The following NRG1 variants were observed in gnomAD, a reference collection of about 807,000 sequenced individuals.
The protein encoded by NRG1 is neuregulin 1, also known as pro-neuregulin-1, membrane-bound isoform.
In NRG1, 18 loss-of-function variants were observed where a neutral mutation model predicts 63.8. That is an observed-to-expected ratio of 0.28 (90% confidence interval 0.19 to 0.42). The LOEUF (loss-of-function observed/expected upper bound fraction) is 0.42. Among genes scored for constraint, NRG1 ranks in the 10% least tolerant of loss-of-function variants. The pLI, the probability that NRG1 is intolerant of heterozygous loss-of-function variation, is 1.00. For synonymous variants in NRG1, 302 were observed against 301.3 expected (o/e 1.00, Z -0.02); for missense variants, 762 against 814.7 (o/e 0.94, Z 0.79).
intron 5 of NRG1, among the ~76,000 whole-genome samples, chr8:32,679,023 G>A (rs1807925071): frequency 6.6e-6 from 1 of 151,992 alleles, no homozygotes; most frequent in African/African-American, 2.4e-5. Flanking sequence ...ACTGGGTGCT[G>A]TGCACTTGTA....
chr8:32,548,875 C>G (rs1252191866), intron 1 of NRG1, 49 bp downstream of exon 1: 2 of 1,512,216 alleles, frequency 1.3e-6, no homozygotes, highest in Non-Finnish European at 1.8e-6. Flanking sequence ...CCTGCTCCTC[C>G]TACTCCTCCT....
chr8:31,820,750 T>C (rs1282138130), intron 1 of NRG1, among the ~76,000 whole-genome samples: 1 of 152,242 alleles, frequency 6.6e-6, no homozygotes, highest in Non-Finnish European at 1.5e-5. Context: ...AATAATTACA[T>C]GTAGGATATG....
intron 1 of NRG1, among the ~76,000 whole-genome samples, chr8:32,325,771 A>T (rs2129477169): frequency 6.6e-6 from 1 of 152,354 alleles, no homozygotes; most frequent in African/African-American, 2.4e-5. Context: ...AGGTTGAATT[A>T]GGTGATATCA....
chr8:32,417,743 G>T (rs745564862), intron 1 of NRG1, among the ~76,000 whole-genome samples: 10 of 150,172 alleles, frequency 6.7e-5, no homozygotes, highest in Admixed American at 1.3e-4. Flanking sequence ...GGGAGGGGGG[G>T]TGTGTTATAG....
intron 1 of NRG1, among the ~76,000 whole-genome samples, chr8:32,283,706 G>A (rs946249320): frequency 2.6e-5 from 4 of 152,128 alleles, no homozygotes; most frequent in African/African-American, 9.7e-5. Flanking sequence ...CTAATAGGGG[G>A]TAGAGAAACA....
At chr8:32,682,153 T>G (rs1452298409) in intron 5 of NRG1, among the ~76,000 whole-genome samples, 1 of 152,152 alleles carries the variant, frequency 6.6e-6, no homozygotes, top group Admixed American at 6.5e-5. Flanking sequence ...TAATCAAAAT[T>G]TGTGTAATTA....
At chr8:32,064,750 C>A (rs1365009513) in intron 1 of NRG1, among the ~76,000 whole-genome samples, 5 of 152,062 alleles carry the variant, frequency 3.3e-5, no homozygotes, top group Non-Finnish European at 2.9e-5. Context: ...TGTCAGCTTC[C>A]CTTTACTACC....
downstream of NRG1, among the ~76,000 whole-genome samples, chr8:32,772,403 A>T (rs1589682655): frequency 6.6e-6 from 1 of 152,134 alleles, no homozygotes; most frequent in Admixed American, 6.5e-5. Flanking sequence ...GGAGAGTCTA[A>T]TAAAACTTTC....
chr8:32,486,371 C>G (rs1405384847), intron 1 of NRG1, among the ~76,000 whole-genome samples: 1 of 152,146 alleles, frequency 6.6e-6, no homozygotes, highest in Non-Finnish European at 1.5e-5. Flanking sequence ...AAGGGGAAAG[C>G]TGCCCTTTAA....
At chr8:32,044,030 G>A (rs1400100608) in intron 1 of NRG1, among the ~76,000 whole-genome samples, 1 of 151,826 alleles carries the variant, frequency 6.6e-6, no homozygotes, top group East Asian at 1.9e-4. Context: ...AAAGAAAAAT[G>A]TATGATGCAG....
At chr8:32,317,072 T>G (rs1314121037) in intron 1 of NRG1, among the ~76,000 whole-genome samples, 1 of 152,174 alleles carries the variant, frequency 6.6e-6, no homozygotes, top group Non-Finnish European at 1.5e-5. Flanking sequence ...AAAATGAAAC[T>G]CTAGACTAGA....
chr8:31,910,290 C>T (rs1018612354), intron 1 of NRG1, among the ~76,000 whole-genome samples: 5 of 150,018 alleles, frequency 3.3e-5, no homozygotes, highest in African/African-American at 1.2e-4. Flanking sequence ...GACAGACATG[C>T]AGCATAGAAT....
intron 1 of NRG1, among the ~76,000 whole-genome samples, chr8:32,514,068 C>G (rs1365324076): frequency 6.6e-6 from 1 of 152,142 alleles, no homozygotes; most frequent in Non-Finnish European, 1.5e-5. Context: ...TACTGTTGGT[C>G]TCAGGGATTG....
chr8:32,577,250 A>G (rs1472307475), intron 1 of NRG1, among the ~76,000 whole-genome samples: 1 of 152,216 alleles, frequency 6.6e-6, no homozygotes, highest in East Asian at 1.9e-4. Context: ...GATTCCATGT[A>G]AAAGAGCATA....
chr8:32,298,730 A>G (rs1271179356), intron 1 of NRG1, among the ~76,000 whole-genome samples: 11 of 121,226 alleles, frequency 9.1e-5, no homozygotes, highest in South Asian at 5.2e-4. Flanking sequence ...AAAAAAAAAA[A>G]GAAAAGAAAA....
chr8:32,722,074 T>G (rs150362708), intron 5 of NRG1: 2 of 1,469,848 alleles, frequency 1.4e-6, no homozygotes, highest in African/African-American at 2.8e-5. Context: ...AATTTTGTAG[T>G]GACTAGCAGT....
chr8:32,298,580 G>A (rs559383520), intron 1 of NRG1, among the ~76,000 whole-genome samples: 71 of 151,826 alleles, frequency 4.7e-4, no homozygotes, highest in Non-Finnish European at 5.6e-4. Context: ...CGTGTGTGGC[G>A]GTGAATGCCT....
intron 1 of NRG1, among the ~76,000 whole-genome samples, chr8:31,897,966 G>A (rs904415719): frequency 1.4e-5 from 2 of 144,256 alleles, no homozygotes; most frequent in Non-Finnish European, 3.0e-5. Flanking sequence ...GCAATGAGCC[G>A]AGATCGCACC....
chr8:31,998,237 A>G (rs1017670690), intron 1 of NRG1, among the ~76,000 whole-genome samples: 1 of 152,054 alleles, frequency 6.6e-6, no homozygotes, highest in East Asian at 1.9e-4. Flanking sequence ...CTGTTGCCAT[A>G]AAGATATAAG....
Sources: gnomAD v4.1 joint callset for allele counts (sites outside exome capture counted in the v4.1 genomes callset) on GRCh38, gnomAD v4.1.1 for gene constraint, MANE v1.5 for transcripts, NCBI Gene and HGNC (gene_info 2026-07-23, HGNC 2026-07-21) for gene names.